The following DHRSX variants were observed in gnomAD, a reference collection of about 807,000 sequenced individuals.
DHRSX encodes dehydrogenase/reductase X-linked, also known as polyprenol dehydrogenase.
DHRSX carries 31 observed loss-of-function variants against 34.0 expected under a neutral mutation model. The observed-to-expected ratio is 0.91, with a 90% confidence interval of 0.69 to 1.23. DHRSX has a LOEUF of 1.23. DHRSX is among the 50% of genes most tolerant of loss of function. DHRSX has a pLI of 0.00. For synonymous variants in DHRSX, 201 were observed against 183.8 expected, an observed-to-expected ratio of 1.09 and a Z score of -0.76; for missense variants, 414 against 428.1, an observed-to-expected ratio of 0.97 and a Z score of 0.29.
chrX:2,315,929 T>C (rs1177128288), intron 3 of DHRSX, among the ~76,000 whole-genome samples: 1 of 152,124 alleles, frequency 6.6e-6, no homozygotes, highest in Non-Finnish European at 1.5e-5. Flanking sequence ...TTTCGCGATC[T>C]CAGCTCACTG....
At chrX:2,357,174 G>A (rs2042865674) in intron 3 of DHRSX, among the ~76,000 whole-genome samples, 1 of 152,118 alleles carries the variant, frequency 6.6e-6, no homozygotes, top group South Asian at 2.1e-4. Context: ...AACCCAGGAG[G>A]CGGAGATTGC....
At chrX:2,483,617 C>CG (rs1185396214) in intron 1 of DHRSX, among the ~76,000 whole-genome samples, 1 of 151,954 alleles carries the variant, frequency 6.6e-6, no homozygotes, top group Non-Finnish European at 1.5e-5. Context: ...AAATGCCCCC[C>CG]GGTTCTTTTG....
At chrX:2,282,791 AGAAGAAAGAG>A (rs2041736587) in intron 4 of DHRSX, among the ~76,000 whole-genome samples, 1 of 72,824 alleles carries the variant, frequency 1.4e-5, no homozygotes, top group Non-Finnish European at 3.0e-5. Context: ...GGGGAGAGAG[AGAAGAAAGAG>A]AGAAGAGAGA....
Position 2,341,063 on chromosome X carries a change from C to G in DHRSX, c.287-49460G>C, listed in dbSNP as rs1050381340. Among the ~76,000 whole-genome samples, 3 of 152,052 alleles carry G rather than the reference C, an allele frequency of 2.0e-5. No individual in the cohort carries two copies. The Admixed American group carries it at 2.0e-4, about 10-fold the overall frequency. On this transcript the variant is annotated intron_variant, in intron 3 of 6. Transcript: ENST00000334651. ...GCAGGGGGAGAAAATGGCTGCCGCT[C>G]TCTCTCCAGTTTGCGATCCTGGGAA...
intron 1 of DHRSX, among the ~76,000 whole-genome samples, chrX:2,455,839 GTTAGA>G (rs2044289456): frequency 1.3e-5 from 2 of 150,466 alleles, no homozygotes; most frequent in Non-Finnish European, 3.0e-5. Flanking sequence ...CTTTTAAAAT[GTTAGA>G]TTAGTGTCTT....
chrX:2,231,439 T>C (rs2015875389), intron 6 of DHRSX, among the ~76,000 whole-genome samples: 1 of 151,536 alleles, frequency 6.6e-6, no homozygotes, highest in Non-Finnish European at 1.5e-5. Flanking sequence ...TTTTCTCTTT[T>C]TCTCTCTCTA....
chrX:2,370,701 G>A (rs1318159148), intron 3 of DHRSX, among the ~76,000 whole-genome samples: 1 of 151,856 alleles, frequency 6.6e-6, no homozygotes, highest in African/African-American at 2.4e-5. Flanking sequence ...TGCCCCTTCA[G>A]GGATGGACTG....
intron 4 of DHRSX, among the ~76,000 whole-genome samples, chrX:2,269,102 T>C (rs935740668): frequency 8.5e-5 from 13 of 152,400 alleles, no homozygotes; most frequent in Non-Finnish European, 1.9e-4. Flanking sequence ...TCTATGCATA[T>C]GCATTTGTAT....
chrX:2,260,809 C>T (rs1462329111), intron 5 of DHRSX, among the ~76,000 whole-genome samples: 3 of 152,080 alleles, frequency 2.0e-5, no homozygotes, highest in Non-Finnish European at 4.4e-5. Flanking sequence ...CAAGGGTCTA[C>T]CCTAATCATC....
At chrX:2,341,428 A>G (rs1466052032) in intron 3 of DHRSX, among the ~76,000 whole-genome samples, 2 of 152,086 alleles carry the variant, frequency 1.3e-5, no homozygotes, top group South Asian at 2.1e-4. Flanking sequence ...GGCTCCAGGC[A>G]TCCCTGGGCT....
intron 1 of DHRSX, chrX:2,490,693 G>C (rs375953431): frequency 1.7e-5 from 28 of 1,613,836 alleles, no homozygotes; most frequent in Non-Finnish European, 2.4e-5. Flanking sequence ...GGTCTGTCTG[G>C]GAGCTCTCCA....
At chrX:2,313,247 A>G (rs2088670955) in intron 3 of DHRSX, among the ~76,000 whole-genome samples, 1 of 151,816 alleles carries the variant, frequency 6.6e-6, no homozygotes, top group South Asian at 2.1e-4. Flanking sequence ...ACCTCAGGTG[A>G]TCTGCCTGCC....
Position 2,219,508 on chromosome X carries a change from T to G in DHRSX, c.*1533A>C, listed in dbSNP as rs183251174. The G allele has an allele frequency of 2.6e-5, 4 of 152,148 alleles. No homozygotes were observed. The highest frequency in any genetic ancestry group is 2.6e-4 in the Admixed American group (4 of 15,262). The allele number at this position is 152,148 out of a possible 1,614,324, so 9.4% of individuals were successfully genotyped here. On this transcript the variant is annotated 3_prime_UTR_variant, in exon 7 of 7. Coordinates refer to ENST00000334651, the MANE Select transcript of DHRSX (RefSeq NM_145177.3). ...ACCCATTCCCGGAGGATGAATGATT[T>G]TTTTTTTAAAGAGGCCAAACAATAC...
intron 3 of DHRSX, among the ~76,000 whole-genome samples, chrX:2,373,527 C>T (rs2043104324): frequency 6.6e-6 from 1 of 152,168 alleles, no homozygotes; most frequent in Admixed American, 6.5e-5. Context: ...GCTTTCCAAG[C>T]AGGATAACCC....
Position 2,437,611 on chromosome X carries a change from AAAG to A in DHRSX, c.110-12310_110-12308del, listed in dbSNP as rs1314376891. 1.0e-4 allele frequency among the ~76,000 whole-genome samples: 6 copies of A among 58,898 alleles called. 1 individual carries two copies. The highest frequency in any genetic ancestry group is 2.0e-4 in the Admixed American group (1 of 5,008). The allele number at this position is 58,898 out of a possible 152,430, so 38.6% of individuals were successfully genotyped here. On this transcript the variant is annotated intron_variant, in intron 1 of 6. Transcript: ENST00000334651. ...AGAGCAAGACCCTGTCTCAAAAAAA[AAAG>A]AAGAAGAAAAAAAAGCATCATTTCA...
intron 1 of DHRSX, among the ~76,000 whole-genome samples, chrX:2,476,295 G>A (rs1434562444): frequency 6.6e-6 from 1 of 151,954 alleles, no homozygotes; most frequent in Admixed American, 6.6e-5. Context: ...CTACTCCAGA[G>A]GCTAACGCAG....
intron 3 of DHRSX, among the ~76,000 whole-genome samples, chrX:2,303,955 G>A (rs1441307199): frequency 2.0e-5 from 3 of 148,716 alleles, no homozygotes; most frequent in East Asian, 2.1e-4. Flanking sequence ...ATGGATTGAT[G>A]GATGGATACA....
At chrX:2,238,134 G>A (rs1470714917) in intron 6 of DHRSX, among the ~76,000 whole-genome samples, 1 of 152,040 alleles carries the variant, frequency 6.6e-6, no homozygotes, top group East Asian at 1.9e-4. Context: ...CAGGAGGATC[G>A]CTTGGGGCTA....
chrX:2,294,222 G>A (rs2041902699), intron 3 of DHRSX, among the ~76,000 whole-genome samples: 1 of 152,006 alleles, frequency 6.6e-6, no homozygotes, highest in African/African-American at 2.4e-5. Flanking sequence ...CAGTAAAAGG[G>A]ACAAAGAGAG....
Sources: gnomAD v4.1 joint callset for allele counts (sites outside exome capture counted in the v4.1 genomes callset) on GRCh38, gnomAD v4.1.1 for gene constraint, MANE v1.5 for transcripts, NCBI Gene and HGNC (gene_info 2026-07-23, HGNC 2026-07-21) for gene names.